SPTB: variants seen among roughly 807,000 people sequenced by gnomAD.
The protein encoded by SPTB is spectrin beta, erythrocytic, also known as spectrin beta chain, erythrocytic.
Under a neutral mutation model 256.2 loss-of-function variants are expected in SPTB, and 45 were observed. The ratio of observed to expected loss-of-function variants is 0.18; its 90% CI spans 0.14 to 0.23. The LOEUF is 0.23. Ranked by LOEUF, SPTB falls within the 10% of genes least tolerant of loss-of-function variation. The pLI, the probability that SPTB is intolerant of heterozygous loss-of-function variation, is 1.00. For missense variants in SPTB, 2,715 were observed against 3,040.4 expected (o/e 0.89, Z 2.52); for synonymous variants, 1,231 against 1,243.1 (o/e 0.99, Z 0.21).
chr14:64,759,517 C>T lies in SPTB; in HGVS notation c.6346-5724G>A, dbSNP rs2082063685. On this transcript the variant is annotated intron_variant, in intron 32 of 35. Transcript: ENST00000644917. This position sits in a 1 kb window ranked among gnomAD's most constrained non-coding sequence, Gnocchi z 4.8. ...TGAGGGGAGGCTGCCCCCCTGTAAG[C>T]AGGCCATGGTCTGAGGTGGGGACTG... Among the ~76,000 whole-genome samples the T allele has an allele frequency of 6.6e-6, 1 of 152,220 alleles. No homozygotes were observed. The highest frequency in any genetic ancestry group is 1.5e-5 in the Non-Finnish European group (1 of 68,042).
At chr14:64,763,728 G>C (rs750003134) in intron 32 of SPTB, 1 of 518,904 alleles carries the variant, frequency 1.9e-6, no homozygotes, top group East Asian at 5.5e-5. Flanking sequence ...GTGAGGTCTT[G>C]TTTCTTCTGC....
chr14:64,821,185 G>C (rs2083280418), intron 2 of SPTB, among the ~76,000 whole-genome samples: 1 of 152,116 alleles, frequency 6.6e-6, no homozygotes, highest in African/African-American at 2.4e-5. Context: ...TCTCATTGCT[G>C]TTTAATTTAT....
chr14:64,791,650 C>A (rs892668464), intron 15 of SPTB, 69 bp downstream of exon 15: 3 of 1,591,280 alleles, frequency 1.9e-6, no homozygotes, highest in East Asian at 2.3e-5. Flanking sequence ...AAATTTTGGG[C>A]CCGGCCCCCA....
chr14:64,756,339 G>C (rs927357850), intron 32 of SPTB: 1 of 152,348 alleles, frequency 6.6e-6, no homozygotes, highest in Non-Finnish European at 1.5e-5. Context: ...GGAGGCCGAG[G>C]CAGGTGGATC....
At chr14:64,765,893 ATGTGTGTG>A (rs904377620) in intron 32 of SPTB, among the ~76,000 whole-genome samples, 3 of 121,546 alleles carry the variant, frequency 2.5e-5, no homozygotes, top group Non-Finnish European at 5.2e-5. Context: ...CGGTGTGTGC[ATGTGTGTG>A]TGTGTGGGGG....
At chr14:64,822,025 A>C (rs2083295651) in intron 2 of SPTB, among the ~76,000 whole-genome samples, 2 of 151,910 alleles carry the variant, frequency 1.3e-5, no homozygotes, top group East Asian at 2.0e-4. Context: ...CACTCCAGAA[A>C]GTGTTTATGG....
In SPTB at chr14:64,749,989, A is replaced by G. The variant is rs1205243716; in HGVS notation, c.6768T>C (p.Phe2256=). The G allele has an allele frequency of 3.7e-6, 6 of 1,614,222 alleles. No individual in the cohort carries two copies. The highest frequency in any genetic ancestry group is 5.1e-6 in the Non-Finnish European group (6 of 1,180,042). The change falls in exon 34 of 36, where the codon TTT becomes TTC. Residue 2256 remains phenylalanine (F), a synonymous_variant. Transcript: ENST00000644917. This position sits in a 1 kb window ranked among gnomAD's most constrained non-coding sequence, Gnocchi z 4.7. ...AANYKKKKHV[F]KLRLSNGSEW... is the part of the protein sequence containing the mutation. ...GGCCAGGAAGGCCTCACCTCAGCTT[A>G]AAGACGTGCTTCTTCTTCTTGTAGT...
chr14:64,799,695 G>T, intron 9 of SPTB, 52 bp downstream of exon 9: 1 of 1,603,118 alleles, frequency 6.2e-7, no homozygotes, highest in South Asian at 1.1e-5. Flanking sequence ...ACCTTTTGGT[G>T]GTCAGTTTCC....
intron 2 of SPTB, among the ~76,000 whole-genome samples, chr14:64,805,668 G>C (rs530671543): frequency 1.2e-4 from 18 of 152,258 alleles, no homozygotes; most frequent in African/African-American, 4.1e-4. Context: ...CCTGGAGCCT[G>C]GTGCACCATC....
chr14:64,872,203 G>A (rs77352026), intron 1 of SPTB, among the ~76,000 whole-genome samples: 1,696 of 152,000 alleles, frequency 0.011, 37 homozygotes, highest in African/African-American at 0.039. Context: ...CTCAGTAAAC[G>A]ACCTTTTTGT....
Position 64,749,629 on chromosome 14 carries a change from T to G in SPTB, c.6819+25A>C. 6.2e-7 allele frequency: 1 copy of G among 1,613,216 alleles called. No individual in the cohort carries two copies. The highest frequency in any genetic ancestry group is 2.2e-5 in the East Asian group (1 of 44,856). ...TCCACCTACCCCCTTCTTAGCCAGGTCTGGGCTAGGCTGCCCGCGCTTACC... is the reference window on the plus strand; with the variant it reads ...TCCACCTACCCCCTTCTTAGCCAGGGCTGGGCTAGGCTGCCCGCGCTTACC... On this transcript the variant is annotated intron_variant, in intron 35 of 35. Coordinates refer to ENST00000644917, the MANE Select transcript of SPTB (RefSeq NM_001355436.2). The surrounding 1 kb of genome is among the most constrained non-coding windows in gnomAD (Gnocchi z 4.7).
chr14:64,861,291 C>T (rs1161745754), intron 1 of SPTB, among the ~76,000 whole-genome samples: 2 of 151,976 alleles, frequency 1.3e-5, no homozygotes, highest in Admixed American at 6.6e-5. Context: ...CAAACCTGCA[C>T]GTTCTGTGCA....
chr14:64,822,926 C>T (rs1404058068), intron 2 of SPTB, 21 bp downstream of exon 2: 3 of 1,612,684 alleles, frequency 1.9e-6, no homozygotes, highest in Admixed American at 1.7e-5. Context: ...GCCCTCCAAC[C>T]CTTGTGGCCC....
At chr14:64,879,190 A>G (rs1460419446) in intron 1 of SPTB, among the ~76,000 whole-genome samples, 3 of 152,000 alleles carry the variant, frequency 2.0e-5, no homozygotes, top group Non-Finnish European at 4.4e-5. Flanking sequence ...GGCTTGGGGC[A>G]CTAGGATCTT....
chr14:64,811,874 T>C (rs1342544541), intron 2 of SPTB, among the ~76,000 whole-genome samples: 1 of 152,192 alleles, frequency 6.6e-6, no homozygotes, highest in Non-Finnish European at 1.5e-5. Flanking sequence ...CATGTATTGC[T>C]GGAAAGGGTA....
Position 64,869,063 on chromosome 14 carries a change from G to A in SPTB, c.-52+10729C>T, listed in dbSNP as rs141205374. Among the ~76,000 whole-genome samples, 5 of 151,716 alleles carry A rather than the reference G, an allele frequency of 3.3e-5. No homozygotes were observed. The East Asian group carries it at 9.7e-4, about 29-fold the overall frequency. On this transcript the variant is annotated intron_variant, in intron 1 of 35. Coordinates refer to ENST00000644917, the MANE Select transcript of SPTB (RefSeq NM_001355436.2). ...AGAAACGCTGAGAATTAAGAGTCATGTAGTGTTGGCTTCCACCCCAATATG... is the reference window on the plus strand; with the variant it reads ...AGAAACGCTGAGAATTAAGAGTCATATAGTGTTGGCTTCCACCCCAATATG...
rs2081917283 is a variant in SPTB at position 64,749,873 on chromosome 14, G to A, written c.6776+108C>T. On this transcript the variant is annotated intron_variant, in intron 34 of 35. Transcript: ENST00000644917. The surrounding 1 kb of genome is among the most constrained non-coding windows in gnomAD (Gnocchi z 4.7). ...AGCCTCTTTGATTTGAAAAACCCCT[G>A]AGGAGCAGCTCAGGCCTGGCACTGG... 6.5e-7 allele frequency: 1 copy of A among 1,537,778 alleles called. No individual in the cohort carries two copies. Among genetic ancestry groups the A allele is most frequent in the Non-Finnish European group, 9.0e-7 (1 of 1,113,362 alleles).
rs2082481908 is a variant in SPTB, at chr14:64,782,113, T to A, written c.4266+177A>T. The stretch of plus-strand genomic sequence containing the variant: ...AGCAGAAAAGATAACTATTGGGTAT[T>A]GAGCTTAAAACCTGGGTGATGTAAT... On this transcript the variant is annotated intron_variant, in intron 20 of 35. Coordinates refer to ENST00000644917, the MANE Select transcript of SPTB (RefSeq NM_001355436.2). 2.0e-5 allele frequency among the ~76,000 whole-genome samples: 3 copies of A among 152,278 alleles called. 1 individual carries two copies. In the South Asian group the frequency reaches 6.2e-4, roughly 32 times the overall value.
chr14:64,785,503 C>T lies in SPTB; in HGVS notation c.3855+34G>A. ...GAACTCTGCTTCTAGAAAGGAATCT[C>T]CAGGAAAGCAGCCACTCCTTGCTGG... On this transcript the variant is annotated intron_variant, in intron 18 of 35. Transcript: ENST00000644917. The surrounding 1 kb of genome is among the most constrained non-coding windows in gnomAD (Gnocchi z 4.4). 1 of 1,579,260 alleles carries T rather than the reference C, an allele frequency of 6.3e-7. No individual in the cohort carries two copies.
Sources: gnomAD v4.1 joint callset for allele counts (sites outside exome capture counted in the v4.1 genomes callset) on GRCh38, gnomAD v4.1.1 for gene constraint, Gnocchi (gnomAD v3.1) non-coding constraint, MANE v1.5 for transcripts, NCBI Gene and HGNC (gene_info 2026-07-23, HGNC 2026-07-21) for gene names.